The following LRMDA variants were observed in gnomAD, a reference collection of about 807,000 sequenced individuals.
LRMDA encodes leucine rich melanocyte differentiation associated.
A neutral mutation model predicts 29.8 loss-of-function variants in LRMDA; 18 were observed. The observed-to-expected ratio is 0.60, with a 90% CI of 0.42 to 0.90. LRMDA has a LOEUF of 0.90. Among genes scored for constraint, LRMDA ranks in the 40% least tolerant of loss-of-function variants. The probability of loss-of-function intolerance (pLI) is 0.00; values close to 1 mark genes in which losing one functional copy is unlikely to be tolerated. For missense variants in LRMDA, 273 were observed against 273.9 expected (o/e 1.00, Z 0.02); for synonymous variants, 125 against 109.4 (o/e 1.14, Z -0.89).
chr10:75,469,587 C>CGTGT (rs59056579), intron 2 of LRMDA, among the ~76,000 whole-genome samples: 4 of 150,906 alleles, frequency 2.7e-5, no homozygotes, highest in East Asian at 3.9e-4. Context: ...AGTGTATGTG[C>CGTGT]GTGTGTGTGT....
chr10:76,263,507 C>T (rs541529916), intron 5 of LRMDA, among the ~76,000 whole-genome samples: 30 of 152,250 alleles, frequency 2.0e-4, no homozygotes, highest in African/African-American at 6.3e-4. Context: ...CTTTTAGACT[C>T]AATAAGATAT....
At chr10:76,002,073 TG>T (rs1278264356) in intron 2 of LRMDA, among the ~76,000 whole-genome samples, 3 of 152,296 alleles carry the variant, frequency 2.0e-5, no homozygotes, top group African/African-American at 7.2e-5. Flanking sequence ...TTCTGGAGTC[TG>T]GAAGTCCAAG....
At chr10:75,566,285 G>A in intron 2 of LRMDA, among the ~76,000 whole-genome samples, 1 of 151,990 alleles carries the variant, frequency 6.6e-6, no homozygotes, top group Non-Finnish European at 1.5e-5. Context: ...AAAGAGTTAT[G>A]TCCACTCGTG....
chr10:75,726,066 G>A lies in LRMDA; in HGVS notation c.131+287572G>A, dbSNP rs1564550516. 2.0e-5 allele frequency among the ~76,000 whole-genome samples: 3 copies of A among 152,246 alleles called. No homozygotes were observed. The East Asian group carries it at 5.8e-4, about 29-fold the overall frequency. On this transcript the variant is annotated intron_variant, in intron 2 of 6. Coordinates refer to ENST00000611255, the MANE Select transcript of LRMDA (RefSeq NM_001305581.2). ...TTTAGTGCAATCAGTCAACACTACT[G>A]GAAAAATGTACCTAAAGTTTACATG...
At chr10:75,695,999 G>A (rs1589161595) in intron 2 of LRMDA, among the ~76,000 whole-genome samples, 1 of 152,002 alleles carries the variant, frequency 6.6e-6, no homozygotes, top group Non-Finnish European at 1.5e-5. Context: ...GGTACCTGCT[G>A]TACCTTAAGA....
intron 2 of LRMDA, among the ~76,000 whole-genome samples, chr10:75,610,221 T>C (rs543259304): frequency 2.6e-5 from 4 of 152,284 alleles, no homozygotes; most frequent in Middle Eastern, 3.4e-3. Flanking sequence ...CACTATTTAG[T>C]TCCAGCTTTA....
chr10:75,680,541 CCTT>C (rs1427198388), intron 2 of LRMDA, among the ~76,000 whole-genome samples: 1 of 151,970 alleles, frequency 6.6e-6, no homozygotes, highest in African/African-American at 2.4e-5. Context: ...ACATCTCAAA[CCTT>C]CTTACATATT....
intron 2 of LRMDA, among the ~76,000 whole-genome samples, chr10:76,018,921 C>G (rs1847925565): frequency 6.6e-6 from 1 of 152,122 alleles, no homozygotes; most frequent in Non-Finnish European, 1.5e-5. Context: ...AATGCATAAT[C>G]TTACAGATTT....
At chr10:76,143,574 T>A (rs1564665043) in intron 5 of LRMDA, among the ~76,000 whole-genome samples, 2 of 152,132 alleles carry the variant, frequency 1.3e-5, no homozygotes, top group Non-Finnish European at 2.9e-5. Context: ...TTGAGTTCAT[T>A]GTAGATTCTG....
intron 2 of LRMDA, among the ~76,000 whole-genome samples, chr10:75,995,184 T>G (rs527916163): frequency 6.6e-6 from 1 of 152,330 alleles, no homozygotes; most frequent in Admixed American, 6.5e-5. Context: ...CCCAAGCATT[T>G]GCAGTGGAGT....
chr10:76,171,293 G>A (rs1850831390), intron 5 of LRMDA, among the ~76,000 whole-genome samples: 1 of 152,132 alleles, frequency 6.6e-6, no homozygotes, highest in African/African-American at 2.4e-5. Flanking sequence ...GCACCACCAT[G>A]CCTGGCTAAT....
intron 5 of LRMDA, among the ~76,000 whole-genome samples, chr10:76,145,601 C>G (rs1266469812): frequency 6.6e-6 from 1 of 152,102 alleles, no homozygotes; most frequent in Non-Finnish European, 1.5e-5. Flanking sequence ...AGTAGTCTTG[C>G]TAACAGTCTA....
chr10:75,578,215 C>CAGAAAAAAAAAAAAA (rs1840533546), intron 2 of LRMDA, among the ~76,000 whole-genome samples: 1 of 14,226 alleles, frequency 7.0e-5, no homozygotes, highest in Non-Finnish European at 1.7e-4. Context: ...AAATGGAAAG[C>CAGAAAAAAAAAAAAA]AAAAAAAAAA....
Position 75,431,719 on chromosome 10 carries a change from G to T in LRMDA, c.-6G>T. 1 of 1,351,126 alleles carries T rather than the reference G, an allele frequency of 7.4e-7. No individual in the cohort carries two copies. Among genetic ancestry groups the T allele is most frequent in the South Asian group, 2.0e-5 (1 of 50,282 alleles). The allele number at this position is 1,351,126 out of a possible 1,614,324, so 83.7% of individuals were successfully genotyped here. A position where few individuals can be genotyped will look rare whatever the true frequency, so the allele number is the denominator to read the frequency against. Reference sequence around the variant, plus strand: ...CGTCCCGCGCGCCCGCAGCGTCCTGGCCGCCATGGCCGGGCTCGTGGTGCG... The same window carrying T: ...CGTCCCGCGCGCCCGCAGCGTCCTGTCCGCCATGGCCGGGCTCGTGGTGCG... On this transcript the variant is annotated 5_prime_UTR_variant, in exon 1 of 7. Transcript: ENST00000611255.
At chr10:76,019,992 C>T (rs7916249) in intron 2 of LRMDA, among the ~76,000 whole-genome samples, 56,214 of 152,086 alleles carry the variant, frequency 0.37, 11,219 homozygotes, top group Non-Finnish European at 0.44. Flanking sequence ...TGGTCACTCC[C>T]CTTGATTCCA....
intron 4 of LRMDA, among the ~76,000 whole-genome samples, chr10:76,058,329 C>G (rs547651395): frequency 6.6e-6 from 1 of 152,302 alleles, no homozygotes; most frequent in South Asian, 2.1e-4. Context: ...TTCTGTGTAG[C>G]AAAGAAGCTG....
At chr10:76,009,218 C>T (rs1239829967) in intron 2 of LRMDA, among the ~76,000 whole-genome samples, 1 of 152,160 alleles carries the variant, frequency 6.6e-6, no homozygotes, top group Non-Finnish European at 1.5e-5. Flanking sequence ...GTAGGTGCTC[C>T]CACTAGCCCC....
chr10:75,910,906 G>A, intron 2 of LRMDA, among the ~76,000 whole-genome samples: 1 of 152,196 alleles, frequency 6.6e-6, no homozygotes, highest in East Asian at 1.9e-4. Context: ...GAGACAGGGT[G>A]CAGGATTTTC....
intron 2 of LRMDA, among the ~76,000 whole-genome samples, chr10:75,569,284 G>A (rs1840408437): frequency 6.6e-6 from 1 of 152,116 alleles, no homozygotes; most frequent in African/African-American, 2.4e-5. Context: ...CCTATGGCTG[G>A]GTTTGGGCAT....
Sources: gnomAD v4.1 joint callset for allele counts (sites outside exome capture counted in the v4.1 genomes callset) on GRCh38, gnomAD v4.1.1 for gene constraint, MANE v1.5 for transcripts, NCBI Gene and HGNC (gene_info 2026-07-23, HGNC 2026-07-21) for gene names.